Variants in BICD1 observed in about 807,000 individuals in gnomAD.
BICD1 encodes the protein BICD cargo adaptor 1.
Under a neutral mutation model 92.5 loss-of-function variants are expected in BICD1, and 35 were observed. The observed-to-expected ratio is 0.38, with a 90% confidence interval of 0.29 to 0.50. BICD1 has a LOEUF of 0.50. BICD1 is among the 20% of genes least tolerant of loss of function. BICD1 has a pLI of 0.93. For missense variants in BICD1, 950 were observed against 1,189.8 expected (o/e 0.80, Z 2.97); for synonymous variants, 429 against 465.1 (o/e 0.92, Z 1.00).
chr12:32,173,025 C>T (rs1943990767), intron 1 of BICD1, among the ~76,000 whole-genome samples: 1 of 151,970 alleles, frequency 6.6e-6, no homozygotes, highest in South Asian at 2.1e-4. Flanking sequence ...GGAGTCCCGC[C>T]CTGTTCAGGC....
At chr12:32,168,887 G>A (rs531932185) in intron 1 of BICD1, among the ~76,000 whole-genome samples, 17 of 152,052 alleles carry the variant, frequency 1.1e-4, no homozygotes, top group Admixed American at 5.2e-4. Flanking sequence ...GCTTGAACCC[G>A]GGAGGCGGAG....
chr12:32,204,462 C>A (rs1944993119), intron 1 of BICD1, among the ~76,000 whole-genome samples: 1 of 152,122 alleles, frequency 6.6e-6, no homozygotes, highest in Non-Finnish European at 1.5e-5. Context: ...TTCACACTCT[C>A]CGGGGCGGCC....
At chr12:32,172,059 T>A (rs985657396) in intron 1 of BICD1, among the ~76,000 whole-genome samples, 1 of 152,166 alleles carries the variant, frequency 6.6e-6, no homozygotes, top group African/African-American at 2.4e-5. Context: ...GCATCAATTT[T>A]CTCTGCCTCT....
intron 1 of BICD1, among the ~76,000 whole-genome samples, chr12:32,187,121 T>C (rs1944440419): frequency 6.6e-6 from 1 of 152,202 alleles, no homozygotes; most frequent in Non-Finnish European, 1.5e-5. Context: ...TCTTTTCTTG[T>C]GAAGTATTAA....
intron 1 of BICD1, among the ~76,000 whole-genome samples, chr12:32,124,546 A>G (rs375531136): frequency 6.6e-6 from 1 of 152,186 alleles, no homozygotes; most frequent in East Asian, 1.9e-4. Flanking sequence ...TAAATGATGG[A>G]TGTGATGGTG....
At chr12:32,113,886 T>G (rs1484994845) in intron 1 of BICD1, among the ~76,000 whole-genome samples, 1 of 151,768 alleles carries the variant, frequency 6.6e-6, no homozygotes, top group East Asian at 1.9e-4. Flanking sequence ...ATTTTTTTTT[T>G]TCCAAGACAG....
intron 1 of BICD1, among the ~76,000 whole-genome samples, chr12:32,185,520 G>A (rs950687452): frequency 5.9e-5 from 9 of 152,196 alleles, no homozygotes; most frequent in African/African-American, 2.2e-4. Flanking sequence ...GGCTTTGCTA[G>A]TGTTTCAGTA....
At chr12:32,375,479 G>A (rs886482907) in intron 9 of BICD1, among the ~76,000 whole-genome samples, 32 of 152,152 alleles carry the variant, frequency 2.1e-4, no homozygotes, top group African/African-American at 7.0e-4. Context: ...GCAGTGAGCC[G>A]AGATCGTGCC....
chr12:32,250,507 T>TAGTA (rs1284929360), intron 2 of BICD1, among the ~76,000 whole-genome samples: 1 of 152,120 alleles, frequency 6.6e-6, no homozygotes, highest in Non-Finnish European at 1.5e-5. Context: ...TTGAAAGAGG[T>TAGTA]AGTGATGGGA....
intron 2 of BICD1, among the ~76,000 whole-genome samples, chr12:32,239,557 G>A (rs560388376): frequency 2.0e-5 from 3 of 150,268 alleles, no homozygotes; most frequent in South Asian, 4.3e-4. Flanking sequence ...GTGCAGTGGT[G>A]CGATCTCGGC....
At chr12:32,292,990 C>T (rs1390615668) in intron 2 of BICD1, among the ~76,000 whole-genome samples, 1 of 152,022 alleles carries the variant, frequency 6.6e-6, no homozygotes. Context: ...TAACTTTACA[C>T]ATAAGTCCTG....
intron 1 of BICD1, among the ~76,000 whole-genome samples, chr12:32,128,548 C>A (rs1212262205): frequency 6.6e-6 from 1 of 151,926 alleles, no homozygotes; most frequent in African/African-American, 2.4e-5. Flanking sequence ...GAATTAATTG[C>A]TTTTTATCAC....
chr12:32,149,641 A>G (rs1403181699), intron 1 of BICD1, among the ~76,000 whole-genome samples: 4 of 152,198 alleles, frequency 2.6e-5, no homozygotes, highest in Non-Finnish European at 4.4e-5. Flanking sequence ...CATTGACCCT[A>G]TCTGACTTAG....
intron 6 of BICD1, among the ~76,000 whole-genome samples, chr12:32,335,436 C>T (rs1938070244): frequency 6.6e-6 from 1 of 152,052 alleles, no homozygotes; most frequent in Admixed American, 6.5e-5. Context: ...AGGCGTGAGC[C>T]ACCGCGCCCG....
chr12:32,157,532 T>TA (rs1943476777), intron 1 of BICD1, among the ~76,000 whole-genome samples: 1 of 152,184 alleles, frequency 6.6e-6, no homozygotes, highest in Non-Finnish European at 1.5e-5. Context: ...GTGTAAATAC[T>TA]AAAAGTGATC....
In BICD1 at chr12:32,337,438, T is replaced by G. The variant is rs1423931365; in HGVS notation, c.2253-61T>G. The G allele has an allele frequency of 1.3e-6, 2 of 1,499,856 alleles. No homozygotes were observed. The highest frequency in any genetic ancestry group is 1.8e-6 in the Non-Finnish European group (2 of 1,101,048). 92.9% of individuals were successfully genotyped at this position (1,499,856 alleles called of 1,614,324 possible). A position where few individuals can be genotyped will look rare whatever the true frequency, so the allele number is the denominator to read the frequency against. On this transcript the variant is annotated intron_variant, in intron 6 of 9. Transcript: ENST00000652176. The surrounding 1 kb of genome is among the most constrained non-coding windows in gnomAD (Gnocchi z 4.7). Reference sequence around the variant, plus strand: ...CGGTCAAATTTATTACTTTTCAGCTTAACTCCCAAATTCAGTTTCACCAAG... The same window carrying G: ...CGGTCAAATTTATTACTTTTCAGCTGAACTCCCAAATTCAGTTTCACCAAG...
At chr12:32,165,682 C>CAAAA (rs35023796) in intron 1 of BICD1, among the ~76,000 whole-genome samples, 1 of 128,110 alleles carries the variant, frequency 7.8e-6, no homozygotes, top group African/African-American at 3.0e-5. Context: ...GACTCTGTCT[C>CAAAA]AAAAAAAAAA....
rs376395423 is a variant in BICD1, at chr12:32,333,222, T to C, written c.2101-1294T>C. On this transcript the variant is annotated intron_variant, in intron 5 of 9. Transcript: ENST00000652176. ...CTAAGCTTTTTAAACACTAAACAAC[T>C]GCCGTTTTTCCCCAGGTCAATTTCT... 308 of 985,296 alleles carry C rather than the reference T, an allele frequency of 3.1e-4. No homozygotes were observed. The Middle Eastern group carries it at 5.7e-3, about 18-fold the overall frequency. The allele number at this position is 985,296 out of a possible 1,614,324, so 61.0% of individuals were successfully genotyped here. A position where few individuals can be genotyped will look rare whatever the true frequency, so the allele number is the denominator to read the frequency against.
chr12:32,322,880 C>T (rs1377320261), intron 4 of BICD1, among the ~76,000 whole-genome samples: 1 of 152,178 alleles, frequency 6.6e-6, no homozygotes. Flanking sequence ...TTTATTTGAT[C>T]CAGAGGCCTT....
Sources: allele counts gnomAD v4.1 joint callset (sites outside exome capture counted in the v4.1 genomes callset), GRCh38; gene constraint gnomAD v4.1.1; non-coding constraint Gnocchi (gnomAD v3.1); transcripts MANE v1.5; gene names NCBI Gene and HGNC (gene_info 2026-07-23, HGNC 2026-07-21).